The following CACNA1C variants were observed in gnomAD, a reference collection of about 807,000 sequenced individuals.
CACNA1C encodes voltage-dependent L-type calcium channel subunit alpha-1C.
A neutral mutation model predicts 229.0 loss-of-function variants in CACNA1C; 30 were observed. The ratio of observed to expected loss-of-function variants is 0.13; its 90% CI spans 0.10 to 0.18. The LOEUF is 0.18. Among genes scored for constraint, CACNA1C ranks in the 10% least tolerant of loss-of-function variants. CACNA1C has a pLI of 1.00. For synonymous variants in CACNA1C, 1,114 were observed against 1,132.5 expected (o/e 0.98, Z 0.33); for missense variants, 1,658 against 2,845.0 (o/e 0.58, Z 9.49).
At chr12:2,514,702 G>A (rs1047247658) in intron 9 of CACNA1C, among the ~76,000 whole-genome samples, 26 of 152,028 alleles carry the variant, frequency 1.7e-4, no homozygotes, top group African/African-American at 5.6e-4. Flanking sequence ...TTTCTGTAGC[G>A]CGTGTTATTG....
intron 3 of CACNA1C, among the ~76,000 whole-genome samples, chr12:2,184,316 A>G (rs974293919): frequency 6.6e-6 from 1 of 152,200 alleles, no homozygotes; most frequent in Non-Finnish European, 1.5e-5. Flanking sequence ...AGGATGCTCC[A>G]TGGACTGTAG....
At chr12:2,002,365 GTC>G (rs1322264662) in intron 1 of CACNA1C, among the ~76,000 whole-genome samples, 1 of 152,200 alleles carries the variant, frequency 6.6e-6, no homozygotes, top group South Asian at 2.1e-4. Flanking sequence ...GTTGAACTAG[GTC>G]TCTCTGTTTT....
At chr12:2,660,544 G>A (rs1191020877) in intron 34 of CACNA1C, 2 of 152,110 alleles carry the variant, frequency 1.3e-5, no homozygotes, top group African/African-American at 4.8e-5. Flanking sequence ...AAATAAGTAA[G>A]GCCCGGTGCG....
chr12:2,315,088 C>T (rs982541549), intron 3 of CACNA1C, among the ~76,000 whole-genome samples: 4 of 152,200 alleles, frequency 2.6e-5, no homozygotes, highest in Admixed American at 6.5e-5. Flanking sequence ...TCTCTTTTGA[C>T]GGACATGAGA....
intron 3 of CACNA1C, among the ~76,000 whole-genome samples, chr12:2,255,832 T>TAGTTTACAATCACACGATCCTGACCTG (rs1476690825): frequency 1.9e-3 from 46 of 23,606 alleles, no homozygotes; most frequent in African/African-American, 3.0e-3. Context: ...ATCCTGACCT[T>TAGTTTACAATCACACGATCCTGACCTG]ACTAGTTTAC....
intron 3 of CACNA1C, among the ~76,000 whole-genome samples, chr12:2,214,985 C>T (rs2059616789): frequency 6.6e-6 from 1 of 152,088 alleles, no homozygotes; most frequent in Admixed American, 6.5e-5. Context: ...CAGCGAGGCA[C>T]AGGGGCTCTC....
At chr12:2,241,169 A>G (rs989743736) in intron 3 of CACNA1C, among the ~76,000 whole-genome samples, 3 of 151,842 alleles carry the variant, frequency 2.0e-5, no homozygotes, top group Admixed American at 6.6e-5. Flanking sequence ...CCATCCTCCC[A>G]CGCATGGAGA....
chr12:2,252,496 A>G (rs1434180011), intron 3 of CACNA1C, among the ~76,000 whole-genome samples: 1 of 152,198 alleles, frequency 6.6e-6, no homozygotes. Context: ...GCAACCGTGC[A>G]GCTGAGGCTA....
At chr12:2,056,019 C>T (rs1385884044) in intron 1 of CACNA1C, among the ~76,000 whole-genome samples, 1 of 152,096 alleles carries the variant, frequency 6.6e-6, no homozygotes, top group African/African-American at 2.4e-5. Context: ...GAAGAGGAGT[C>T]TAGGACTGCC....
intron 3 of CACNA1C, among the ~76,000 whole-genome samples, chr12:2,157,668 C>T (rs1364011191): frequency 6.6e-6 from 1 of 152,224 alleles, no homozygotes; most frequent in African/African-American, 2.4e-5. Context: ...TAAGCCACAC[C>T]TGTGCTCACA....
intron 3 of CACNA1C, among the ~76,000 whole-genome samples, chr12:2,345,316 C>T (rs915377732): frequency 4.0e-5 from 6 of 151,846 alleles, no homozygotes; most frequent in African/African-American, 1.2e-4. Flanking sequence ...GTACGCCAGG[C>T]ATTAACTGGA....
At chr12:2,321,615 G>A (rs2096003020) in intron 3 of CACNA1C, among the ~76,000 whole-genome samples, 1 of 152,138 alleles carries the variant, frequency 6.6e-6, no homozygotes, top group South Asian at 2.1e-4. Context: ...AAACAACTAA[G>A]CAGGTAAACA....
chr12:2,129,378 A>G (rs975140891), intron 3 of CACNA1C, among the ~76,000 whole-genome samples: 2 of 152,188 alleles, frequency 1.3e-5, no homozygotes, highest in Non-Finnish European at 1.5e-5. Context: ...TTTCAGAGAG[A>G]GGAGAAAGCA....
intron 1 of CACNA1C, among the ~76,000 whole-genome samples, chr12:2,104,930 C>T (rs145351444): frequency 6.6e-6 from 1 of 152,282 alleles, no homozygotes; most frequent in African/African-American, 2.4e-5. Flanking sequence ...CGTGGCTTAG[C>T]TGTGTGTCTG....
chr12:2,161,509 C>T (rs1218025644), intron 3 of CACNA1C, among the ~76,000 whole-genome samples: 1 of 152,196 alleles, frequency 6.6e-6, no homozygotes, highest in Admixed American at 6.5e-5. Flanking sequence ...CCCTGCAATC[C>T]AGACCCCATC....
chr12:2,061,410 G>T (rs192750219), intron 1 of CACNA1C, among the ~76,000 whole-genome samples: 1 of 152,232 alleles, frequency 6.6e-6, no homozygotes. Flanking sequence ...ACCAGAGTCT[G>T]AGGTGGTCTG....
In CACNA1C at chr12:2,677,186, G is replaced by A. The variant is rs1215938282; in HGVS notation, c.4921G>A (p.Gly1641Ser). Residue 1641 changes from glycine (G) to serine (S), a missense_variant, in exon 40 of 47, where the codon GGC becomes AGC. Gly to Ser is a moderately conservative substitution (Grantham distance 56). Transcript: ENST00000399655. This position sits in a 1 kb window ranked among gnomAD's most constrained non-coding sequence, Gnocchi z 7.4. Reference protein sequence around the residue: ...FKKRKEQGLVGKPSQRNALSL... With the variant: ...FKKRKEQGLVSKPSQRNALSL... ...GAAGCGCAAAGAGCAGGGCCTTGTG[G>A]GCAAGCCCTCCCAGAGGAACGCGCT... 1.2e-6 allele frequency: 2 copies of A among 1,613,820 alleles called. No individual in the cohort carries two copies. The highest frequency in any genetic ancestry group is 1.7e-6 in the Non-Finnish European group (2 of 1,179,852).
At chr12:2,405,652 G>A (rs909026089) in intron 3 of CACNA1C, among the ~76,000 whole-genome samples, 1 of 152,038 alleles carries the variant, frequency 6.6e-6, no homozygotes, top group Non-Finnish European at 1.5e-5. Flanking sequence ...CAGTCTACTG[G>A]TACTACTTTT....
chr12:2,417,572 G>A (rs1263137180), intron 3 of CACNA1C, among the ~76,000 whole-genome samples: 1 of 152,218 alleles, frequency 6.6e-6, no homozygotes, highest in Non-Finnish European at 1.5e-5. Flanking sequence ...GCTGCAGTCT[G>A]TTTGGTGGCA....
Sources: allele counts gnomAD v4.1 joint callset (sites outside exome capture counted in the v4.1 genomes callset), GRCh38; gene constraint gnomAD v4.1.1; non-coding constraint Gnocchi (gnomAD v3.1); transcripts MANE v1.5; gene names NCBI Gene and HGNC (gene_info 2026-07-23, HGNC 2026-07-21).